Variants in CD36 observed in about 807,000 individuals in gnomAD.
CD36 encodes the protein platelet glycoprotein 4.
CD36 carries 119 observed loss-of-function variants against 55.2 expected under a neutral mutation model. The observed-to-expected ratio is 2.15, with a 90% CI of 1.86 to 2.51. CD36 has a LOEUF of 2.51. Among genes scored for constraint, CD36 ranks in the 30% most tolerant of loss-of-function variants. CD36 has a pLI of 0.00. For missense variants in CD36, 819 were observed against 555.5 expected, an observed-to-expected ratio of 1.47 and a Z score of -4.77; for synonymous variants, 186 against 193.6, an observed-to-expected ratio of 0.96 and a Z score of 0.33.
At position 80,672,813 on chromosome 7, in the gene CD36, A is replaced by G; in HGVS notation, c.1169A>G (p.Asn390Ser). 2.5e-6 allele frequency: 4 copies of G among 1,611,262 alleles called. No individual in the cohort carries two copies. Among genetic ancestry groups the G allele is most frequent in the East Asian group, 2.2e-5 (1 of 44,620 alleles). The change falls in exon 12 of 15, where the codon AAC becomes AGC. Residue 390 changes from asparagine to serine, a missense_variant. Transcript: ENST00000447544. Reference sequence around the variant, plus strand: ...CAATTTGCAAAACGGCTGCAGGTCAACCTATTGGTCAAGCCATCAGAAAAA... The same window carrying G: ...CAATTTGCAAAACGGCTGCAGGTCAGCCTATTGGTCAAGCCATCAGAAAAA... Reference protein sequence around the residue: ...TLQFAKRLQVNLLVKPSEKIQ... With the variant: ...TLQFAKRLQVSLLVKPSEKIQ...
upstream of CD36, among the ~76,000 whole-genome samples, chr7:80,635,631 T>A (rs1473294812): frequency 2.0e-5 from 3 of 152,062 alleles, no homozygotes; most frequent in African/African-American, 7.2e-5. Flanking sequence ...CTTCATATTA[T>A]CACTTTTAAT....
Position 80,646,649 on chromosome 7 carries a change from T to C in CD36, c.-89-3T>C. The C allele has an allele frequency of 1.4e-6, 2 of 1,458,404 alleles. No homozygotes were observed. Among genetic ancestry groups the C allele is most frequent in the African/African-American group, 1.4e-5 (1 of 71,894 alleles). 90.3% of individuals were successfully genotyped at this position (1,458,404 alleles called of 1,614,324 possible). On this transcript the variant is annotated splice_region_variant and splice_polypyrimidine_tract_variant and intron_variant, in intron 2 of 14. Transcript: ENST00000447544. ...CTGTTTTATGATCTCTTTCTAATGA[T>C]AGAACCAGAGCTTGTAGAAACCACT...
intron 5 of CD36, 129 bp from the exon 6 acceptor site, chr7:80,662,861 G>A (rs1796662288): frequency 1.3e-6 from 1 of 759,286 alleles, no homozygotes; most frequent in Non-Finnish European, 2.2e-6. Flanking sequence ...GTTTTGGCAG[G>A]ATCTGGCAGT....
At chr7:80,655,424 A>G (rs1795975109) in intron 3 of CD36, among the ~76,000 whole-genome samples, 1 of 152,168 alleles carries the variant, frequency 6.6e-6, no homozygotes, top group East Asian at 1.9e-4. Flanking sequence ...CCAGTCCCAA[A>G]GCTCCTAAAG....
upstream of CD36, among the ~76,000 whole-genome samples, chr7:80,637,699 T>C (rs1794522898): frequency 6.6e-6 from 1 of 151,978 alleles, no homozygotes; most frequent in Non-Finnish European, 1.5e-5. Context: ...GAACTAAATA[T>C]ATTTCTGTCT....
Position 80,676,464 on chromosome 7 carries a change from A to AC in CD36, c.*82dup, listed in dbSNP as rs1798168362. 1 of 152,166 alleles carries AC rather than the reference A, an allele frequency of 6.6e-6. No homozygotes were observed. The allele number at this position is 152,166 out of a possible 1,614,324, so 9.4% of individuals were successfully genotyped here. On this transcript the variant is annotated 3_prime_UTR_variant, in exon 15 of 15. Coordinates refer to ENST00000447544, the MANE Select transcript of CD36 (RefSeq NM_001001548.3). The stretch of plus-strand genomic sequence containing the variant: ...GGTGGCCAATTCAGAAGAAGAGTGT[A>AC]CATGCTCAACAAATCCTAGGCCCTG...
At chr7:80,675,911 CCAGGGCAGATG>C (rs1316746444) in intron 14 of CD36, among the ~76,000 whole-genome samples, 4 of 151,986 alleles carry the variant, frequency 2.6e-5, no homozygotes, top group African/African-American at 9.7e-5. Context: ...AAATGCTGGT[CCAGGGCAGATG>C]CACTTCAGCT....
chr7:80,639,393 T>C (rs917351439), intron 1 of CD36, among the ~76,000 whole-genome samples: 1 of 151,984 alleles, frequency 6.6e-6, no homozygotes, highest in Admixed American at 6.6e-5. Flanking sequence ...TTAATTAGTG[T>C]AAATTAGTAG....
intron 1 of CD36, among the ~76,000 whole-genome samples, chr7:80,624,725 A>T (rs2115955915): frequency 6.6e-6 from 1 of 152,214 alleles, no homozygotes; most frequent in Non-Finnish European, 1.5e-5. Context: ...CCAAAAATAC[A>T]GTAATACAAT....
At chr7:80,616,316 A>G (rs749827222) in intron 1 of CD36, among the ~76,000 whole-genome samples, 9 of 152,110 alleles carry the variant, frequency 5.9e-5, no homozygotes, top group Non-Finnish European at 1.3e-4. Flanking sequence ...TCATGTAATT[A>G]ATCAAATCTA....
upstream of CD36, among the ~76,000 whole-genome samples, chr7:80,634,997 G>T (rs185804936): frequency 4.6e-5 from 7 of 151,802 alleles, no homozygotes; most frequent in Non-Finnish European, 1.0e-4. Context: ...TAATTATTAA[G>T]AAAGGGACAA....
intron 1 of CD36, among the ~76,000 whole-genome samples, chr7:80,618,516 T>G (rs542589222): frequency 6.6e-6 from 1 of 152,142 alleles, no homozygotes; most frequent in East Asian, 1.9e-4. Flanking sequence ...CACCAAACAG[T>G]TAGCTAAGTT....
At chr7:80,609,900 G>A (rs747919414) in intron 1 of CD36, among the ~76,000 whole-genome samples, 9 of 152,174 alleles carry the variant, frequency 5.9e-5, no homozygotes, top group Non-Finnish European at 1.2e-4. Context: ...TTTGGTTCAG[G>A]TTACAAGTAT....
At position 80,646,799 on chromosome 7, in the gene CD36, C is replaced by A. The variant is rs765751204; in HGVS notation, c.59C>A (p.Ala20Asp). ...IAGAVIGAVL[A>D]VFGGILMPVG... ...GGGGCTGTCATTGGTGCTGTCCTGG[C>A]TGTGTTTGGAGGTATTCTAATGCCA... The change falls in exon 3 of 15, where the codon GCT becomes GAT. Residue 20 changes from alanine (A) to aspartate (D), a missense_variant. Ala to Asp is a moderately radical substitution (Grantham distance 126, BLOSUM62 -2). Transcript: ENST00000447544. The A allele has an allele frequency of 3.7e-5, 59 of 1,613,808 alleles. No homozygotes were observed. Among genetic ancestry groups the A allele is most frequent in the Non-Finnish European group, 4.8e-5 (57 of 1,179,910 alleles).
At chr7:80,656,261 C>T (rs2116573156) in intron 3 of CD36, among the ~76,000 whole-genome samples, 1 of 152,256 alleles carries the variant, frequency 6.6e-6, no homozygotes, top group Non-Finnish European at 1.5e-5. Context: ...CACTCTAAAG[C>T]TTGCCGAAGG....
chr7:80,637,177 A>G (rs978579813), upstream of CD36, among the ~76,000 whole-genome samples: 3 of 151,972 alleles, frequency 2.0e-5, no homozygotes, highest in Non-Finnish European at 2.9e-5. Flanking sequence ...CTGAATTGTC[A>G]TATTAGAGTG....
chr7:80,664,173 A>G (rs1044283628), intron 6 of CD36, among the ~76,000 whole-genome samples: 2 of 152,170 alleles, frequency 1.3e-5, no homozygotes, highest in Non-Finnish European at 2.9e-5. Context: ...ACAGAGTGCT[A>G]GAGTTCACAT....
intron 1 of CD36, among the ~76,000 whole-genome samples, chr7:80,611,619 C>T (rs1792880976): frequency 1.3e-5 from 2 of 152,134 alleles, no homozygotes; most frequent in South Asian, 4.1e-4. Flanking sequence ...AGGGAACTGA[C>T]AGTGACCCGG....
intron 3 of CD36, among the ~76,000 whole-genome samples, chr7:80,651,514 T>C (rs756136003): frequency 1.3e-5 from 2 of 152,186 alleles, no homozygotes; most frequent in Non-Finnish European, 2.9e-5. Context: ...ATCATTCAAT[T>C]ATACCATTTT....
Sources: allele counts gnomAD v4.1 joint callset (sites outside exome capture counted in the v4.1 genomes callset), GRCh38; gene constraint gnomAD v4.1.1; transcripts MANE v1.5; gene names NCBI Gene and HGNC (gene_info 2026-07-23, HGNC 2026-07-21).